ATP2B2: variants seen among roughly 807,000 people sequenced by gnomAD.
ATP2B2 encodes plasma membrane calcium-transporting ATPase 2.
Under a neutral mutation model 120.0 loss-of-function variants are expected in ATP2B2, and 15 were observed. The ratio of observed to expected loss-of-function variants is 0.12; its 90% CI spans 0.08 to 0.19. ATP2B2 has a LOEUF of 0.19. ATP2B2 is among the 10% of genes least tolerant of loss of function. The pLI is 1.00. For missense variants in ATP2B2, 1,045 were observed against 1,719.8 expected (o/e 0.61, Z 6.94); for synonymous variants, 694 against 700.3 (o/e 0.99, Z 0.14).
intron 10 of ATP2B2, among the ~76,000 whole-genome samples, chr3:10,376,665 G>A (rs1389174467): frequency 1.3e-5 from 2 of 152,204 alleles, no homozygotes; most frequent in Non-Finnish European, 2.9e-5. Context: ...TCAGGTGACT[G>A]GGTCCCCTTG....
chr3:10,332,752 G>A (rs771021855), intron 22 of ATP2B2, among the ~76,000 whole-genome samples: 1 of 152,078 alleles, frequency 6.6e-6, no homozygotes. Context: ...CTCTTGCCAC[G>A]CCCTTGCTGT....
At chr3:10,564,834 C>T (rs2067977591) in intron 2 of ATP2B2, among the ~76,000 whole-genome samples, 1 of 152,162 alleles carries the variant, frequency 6.6e-6, no homozygotes, top group African/African-American at 2.4e-5. Flanking sequence ...CCAGATAGGA[C>T]AGATTTCCTA....
chr3:10,689,852 G>A (rs763175119), intron 1 of ATP2B2, among the ~76,000 whole-genome samples: 1 of 152,204 alleles, frequency 6.6e-6, no homozygotes, highest in Non-Finnish European at 1.5e-5. Context: ...CCTCCACCCC[G>A]AGGTGGGCTT....
chr3:10,639,103 G>T (rs144884860), intron 1 of ATP2B2, among the ~76,000 whole-genome samples: 1 of 152,112 alleles, frequency 6.6e-6, no homozygotes, highest in South Asian at 2.1e-4. Flanking sequence ...GCAAATATTC[G>T]TTATGTACAT....
At chr3:10,434,107 A>G (rs886312163) in intron 2 of ATP2B2, among the ~76,000 whole-genome samples, 1 of 152,254 alleles carries the variant, frequency 6.6e-6, no homozygotes, top group Non-Finnish European at 1.5e-5. Context: ...GGCATACCCC[A>G]CTAGGGGATG....
In ATP2B2 at chr3:10,379,296, A is replaced by C; in HGVS notation, c.1001-12T>G. 6.2e-7 allele frequency: 1 copy of C among 1,614,040 alleles called. No individual in the cohort carries two copies. Among genetic ancestry groups the C allele is most frequent in the South Asian group, 1.1e-5 (1 of 91,082 alleles). On this transcript the variant is annotated splice_polypyrimidine_tract_variant and intron_variant, in intron 8 of 22. Transcript: ENST00000360273. Reference sequence around the variant, plus strand: ...ATCCTGCATTTTACCTACACGACAAAGAATTTTAACAGACAACAGAGAACA... The same window carrying C: ...ATCCTGCATTTTACCTACACGACAACGAATTTTAACAGACAACAGAGAACA...
chr3:10,613,064 G>T (rs1049159958), intron 2 of ATP2B2, among the ~76,000 whole-genome samples: 4 of 152,186 alleles, frequency 2.6e-5, no homozygotes, highest in African/African-American at 9.6e-5. Context: ...TGAAGATTGA[G>T]TTCAGTCTCA....
At position 10,400,855 on chromosome 3, in the gene ATP2B2, A is replaced by G. The variant is rs17032820; in HGVS notation, c.781+98T>C. 0.1 allele frequency: 156,784 copies of G among 1,574,530 alleles called. 9,101 individuals carry two copies. Among genetic ancestry groups the G allele is most frequent in the East Asian group, 0.28 (12,051 of 43,680 alleles). ...CTGGCTGGAGATACCAGAGCCAAGG[A>G]TCAAAGTCTCTGAGTCCCTTCAGCC... On this transcript the variant is annotated intron_variant, in intron 5 of 22. Transcript: ENST00000360273.
rs61552990 is a variant in ATP2B2 at position 10,390,498 on chromosome 3, TTGTG to T, written c.782-2100_782-2097del. Among the ~76,000 whole-genome samples, 216 of 148,300 alleles carry T rather than the reference TTGTG, an allele frequency of 1.5e-3. 1 individual carries two copies. The highest frequency in any genetic ancestry group is 6.8e-3 in the Middle Eastern group (2 of 294). On this transcript the variant is annotated intron_variant, in intron 5 of 22. Coordinates refer to ENST00000360273, the MANE Select transcript of ATP2B2 (RefSeq NM_001001331.4). ...CCTGTGTGTGTGTGCGTGCATGCTT[TTGTG>T]TGTGTGTGTGTGTGTGTGTGTGCGC...
At chr3:10,474,021 A>C (rs2065112871) in intron 1 of ATP2B2, among the ~76,000 whole-genome samples, 1 of 151,686 alleles carries the variant, frequency 6.6e-6, no homozygotes, top group African/African-American at 2.4e-5. Context: ...GCAGGGTGAG[A>C]TTGAGAGCAG....
chr3:10,358,753 C>G lies in ATP2B2; in HGVS notation c.2074G>C (p.Asp692His). 6.2e-7 allele frequency: 1 copy of G among 1,614,246 alleles called. No homozygotes were observed. The highest frequency in any genetic ancestry group is 8.5e-7 in the Non-Finnish European group (1 of 1,180,046). Residue 692 changes from aspartate (D) to histidine (H), a missense_variant, in exon 14 of 23, where the codon GAC becomes CAC. Physicochemically the swap from Asp to His is moderately conservative, Grantham distance 81. Transcript: ENST00000360273. ...SPEPDWDNEN[D>H]ILNELTCICV... ...ATGCAGGTGAGTTCGTTGAGGATGT[C>G]ATTCTCATTGTCCCAGTCCGGCTCC...
chr3:10,452,357 C>T (rs578177623), intron 1 of ATP2B2, among the ~76,000 whole-genome samples: 2 of 152,328 alleles, frequency 1.3e-5, no homozygotes, highest in African/African-American at 2.4e-5. Flanking sequence ...AATACGGCTC[C>T]CTCCCCAGTC....
chr3:10,485,499 G>T (rs2065609045), intron 1 of ATP2B2, among the ~76,000 whole-genome samples: 1 of 152,204 alleles, frequency 6.6e-6, no homozygotes, highest in Non-Finnish European at 1.5e-5. Flanking sequence ...TGGCAGTCCC[G>T]CAGCAGGCTC....
intron 2 of ATP2B2, among the ~76,000 whole-genome samples, chr3:10,609,892 C>G (rs1250651871): frequency 6.6e-6 from 1 of 152,000 alleles, no homozygotes; most frequent in Non-Finnish European, 1.5e-5. Context: ...CTGCAGCTCC[C>G]TCTCTCCCAT....
chr3:10,365,823 T>TGGA (rs2061034297), intron 12 of ATP2B2, among the ~76,000 whole-genome samples: 1 of 151,608 alleles, frequency 6.6e-6, no homozygotes, highest in African/African-American at 2.4e-5. Context: ...GTGCTGTGTG[T>TGGA]GTGTTGTATG....
At chr3:10,551,742 C>T (rs1435147873) in intron 2 of ATP2B2, among the ~76,000 whole-genome samples, 1 of 152,170 alleles carries the variant, frequency 6.6e-6, no homozygotes, top group Non-Finnish European at 1.5e-5. Flanking sequence ...GTCTCCAATT[C>T]CAAAAGCTAC....
chr3:10,648,522 C>T (rs148595858), intron 1 of ATP2B2, among the ~76,000 whole-genome samples: 392 of 152,302 alleles, frequency 2.6e-3, no homozygotes, highest in African/African-American at 9.0e-3. Flanking sequence ...CTATCTCCAA[C>T]CCATACTTCT....
At chr3:10,517,186 C>T (rs1176229411) in intron 3 of ATP2B2, among the ~76,000 whole-genome samples, 2 of 152,232 alleles carry the variant, frequency 1.3e-5, no homozygotes, top group African/African-American at 4.8e-5. Context: ...GTGCAGGCCA[C>T]AGCCCTGGAA....
chr3:10,426,629 G>A (rs1018821997), intron 2 of ATP2B2, among the ~76,000 whole-genome samples: 1 of 152,234 alleles, frequency 6.6e-6, no homozygotes, highest in Admixed American at 6.5e-5. Context: ...TCCAGCCTGG[G>A]CCTCAGCCTG....
Sources: gnomAD v4.1 joint callset for allele counts (sites outside exome capture counted in the v4.1 genomes callset) on GRCh38, gnomAD v4.1.1 for gene constraint, MANE v1.5 for transcripts, NCBI Gene and HGNC (gene_info 2026-07-23, HGNC 2026-07-21) for gene names.